Variants in KIF7 observed in about 807,000 individuals in gnomAD.
KIF7 encodes the protein kinesin-like protein KIF7.
In KIF7, 104 loss-of-function variants were observed where a neutral mutation model predicts 135.7. The observed-to-expected ratio is 0.77, with a 90% CI of 0.65 to 0.90. KIF7 has a LOEUF of 0.90. Ranked by LOEUF, KIF7 falls within the 40% of genes least tolerant of loss-of-function variation. The pLI, the probability that KIF7 is intolerant of heterozygous loss-of-function variation, is 0.00. For missense variants in KIF7, 2,005 were observed against 1,839.1 expected (o/e 1.09, Z -1.65); for synonymous variants, 883 against 809.4 (o/e 1.09, Z -1.54).
chr15:89,630,287 C>T lies in KIF7; in HGVS notation c.3318G>A (p.Lys1106=). The T allele has an allele frequency of 6.2e-7, 1 of 1,614,070 alleles. No individual in the cohort carries two copies. Among genetic ancestry groups the T allele is most frequent in the Non-Finnish European group, 8.5e-7 (1 of 1,180,022 alleles). ...GGGGGGCCATGGGCTGCTGGCCCAC[C>T]TTGTCAAAATACTTGCAGAGGAGGG... The part of the protein sequence containing the change: ...TRALLCKYFD[K]VVTLREEQHQ... Residue 1106 remains lysine, a splice_region_variant and synonymous_variant, in exon 16 of 19, where the codon AAG becomes AAA. Coordinates refer to ENST00000394412, the MANE Select transcript of KIF7 (RefSeq NM_198525.3).
chr15:89,662,871 C>T, the KIF7 span, among the ~76,000 whole-genome samples: 1 of 152,238 alleles, frequency 6.6e-6, no homozygotes, highest in Non-Finnish European at 1.5e-5. Context: ...GTTTAGTGTA[C>T]CTTGCTGCCT....
At position 89,629,480 on chromosome 15, in the gene KIF7, G is replaced by A. The variant is rs1963623681; in HGVS notation, c.3412C>T (p.Leu1138=). The stretch of plus-strand genomic sequence containing the variant: ...CGCTGCCGCTCCAGGGCCACCTCCA[G>A]CCAGTACACCAGCCTCTGCTGCTCC... ...LEEQQRLVYW[L]EVALERQRLE... The change falls in exon 17 of 19, where the codon CTG becomes TTG. Residue 1138 remains leucine (L), a synonymous_variant. Coordinates refer to ENST00000394412, the MANE Select transcript of KIF7 (RefSeq NM_198525.3). 1 of 1,611,344 alleles carries A rather than the reference G, an allele frequency of 6.2e-7. No individual in the cohort carries two copies. Among genetic ancestry groups the A allele is most frequent in the East Asian group, 2.2e-5 (1 of 44,884 alleles).
intron 14 of KIF7, 83 bp from the exon 15 acceptor site, chr15:89,631,793 G>C: frequency 2.4e-6 from 3 of 1,228,186 alleles, no homozygotes; most frequent in Non-Finnish European, 3.4e-6. Context: ...TGTTAAGGAG[G>C]ACTTGCGTCC....
chr15:89,663,028 C>A, the KIF7 span, among the ~76,000 whole-genome samples: 61 of 152,324 alleles, frequency 4.0e-4, 1 homozygote, highest in African/African-American at 1.2e-3. Context: ...GGCATGTTGG[C>A]GGCCACAGCC....
chr15:89,647,158 G>A, intron 6 of KIF7, 101 bp from the exon 7 acceptor site: 2 of 1,044,734 alleles, frequency 1.9e-6, no homozygotes, highest in Non-Finnish European at 2.9e-6. Flanking sequence ...CCGTCTCTGG[G>A]CTGAAAATGA....
rs915836327 is a variant in KIF7 at position 89,634,933 on chromosome 15, C to T, written c.2395-1050G>A. Among the ~76,000 whole-genome samples the T allele has an allele frequency of 1.3e-5, 2 of 152,228 alleles. 1 individual carries two copies. Among genetic ancestry groups the T allele is most frequent in the Admixed American group, 1.3e-4 (2 of 15,284 alleles). ...TGCAGACTTAAATGTCCCTGTCTGA[C>T]AGCTTTGAAGAGAGCAGGGGTTCTC... On this transcript the variant is annotated intron_variant, in intron 11 of 18. Transcript: ENST00000394412.
At chr15:89,633,503 C>T (rs1001561735) in intron 12 of KIF7, among the ~76,000 whole-genome samples, 183 bp downstream of exon 12, 28 of 152,224 alleles carry the variant, frequency 1.8e-4, no homozygotes, top group African/African-American at 6.3e-4. Flanking sequence ...GAAGTCTCAC[C>T]CTGGCCTTGA....
At chr15:89,624,587 G>C (rs866801259), downstream of KIF7, 1 of 1,613,828 alleles carries the variant, frequency 6.2e-7, no homozygotes. Flanking sequence ...GACCAGAAGG[G>C]ACTGAGCCTC....
At chr15:89,619,642 GACA>G (rs1210159093) in intron 1 of KIF7, 3 of 1,542,638 alleles carry the variant, frequency 1.9e-6, no homozygotes, top group Non-Finnish European at 1.7e-6. Flanking sequence ...CCCGGTTTTG[GACA>G]ACATGAGAAA....
At chr15:89,657,711 A>T (rs1964221968), upstream of KIF7, among the ~76,000 whole-genome samples, 1 of 152,248 alleles carries the variant, frequency 6.6e-6, no homozygotes, top group Non-Finnish European at 1.5e-5. Context: ...CCCAACTTAA[A>T]GGGGTTCTTA....
intron 14 of KIF7, 26 bp downstream of exon 14, chr15:89,632,794 C>T (rs200502068): frequency 2.5e-4 from 405 of 1,595,058 alleles, no homozygotes; most frequent in Non-Finnish European, 3.1e-4. Flanking sequence ...CCTCACCTGG[C>T]AGGATCTCTC....
chr15:89,648,127 C>T (rs1370221608), intron 5 of KIF7, 128 bp downstream of exon 5: 1 of 1,349,110 alleles, frequency 7.4e-7, no homozygotes, highest in Non-Finnish European at 9.5e-7. Flanking sequence ...GCAGAAGTGA[C>T]CGAATCCCGA....
At chr15:89,621,296 C>A in intron 1 of KIF7, 1 of 1,283,846 alleles carries the variant, frequency 7.8e-7, no homozygotes, top group South Asian at 1.5e-5. Context: ...GCTGGGATTA[C>A]AGGCGTGAGC....
chr15:89,649,944 G>T lies in KIF7; in HGVS notation c.329-3C>A. On this transcript the variant is annotated splice_polypyrimidine_tract_variant and splice_region_variant and intron_variant, in intron 2 of 18. Coordinates refer to ENST00000394412, the MANE Select transcript of KIF7 (RefSeq NM_198525.3). ...CTGCTCATCCTCAAGGAGGGAGGCTGGGGAGACACCGCAGGGCCTCCTGCC... is the reference window on the plus strand; with the variant it reads ...CTGCTCATCCTCAAGGAGGGAGGCTTGGGAGACACCGCAGGGCCTCCTGCC... 1 of 1,550,464 alleles carries T rather than the reference G, an allele frequency of 6.4e-7. No homozygotes were observed. The highest frequency in any genetic ancestry group is 1.2e-5 in the South Asian group (1 of 84,044).
At chr15:89,629,163 G>A (rs760638515) in intron 17 of KIF7, 41 bp from the exon 18 acceptor site, 2 of 1,600,034 alleles carry the variant, frequency 1.2e-6, no homozygotes, top group Non-Finnish European at 1.7e-6. Context: ...GAGGGCTGCA[G>A]GCGGGGCAGG....
At chr15:89,646,624 C>T (rs1964017717) in intron 7 of KIF7, among the ~76,000 whole-genome samples, 1 of 152,148 alleles carries the variant, frequency 6.6e-6, no homozygotes. Context: ...CAGGGATGCC[C>T]GATGGCACTG....
chr15:89,633,956 C>T (rs1056613091), intron 11 of KIF7, 73 bp from the exon 12 acceptor site: 4 of 1,542,362 alleles, frequency 2.6e-6, no homozygotes, highest in African/African-American at 1.4e-5. Context: ...GGGCACTCAA[C>T]AAGGGCAGGC....
chr15:89,645,137 C>T lies in KIF7; in HGVS notation c.2067G>A (p.Gln689=), dbSNP rs1426339621. Residue 689 remains glutamine, a synonymous_variant, in exon 10 of 19, where the codon CAG becomes CAA. Transcript: ENST00000394412. ...RAVGGSKARV[Q]ARQVPPATAS... is the part of the protein sequence containing the mutation. ...CTGTGGCAGGGGGGACCTGGCGGGC[C>T]TGAACTCGGGCCTTGCTCCCACCAA... 1.2e-6 allele frequency: 2 copies of T among 1,604,560 alleles called. No individual in the cohort carries two copies.
chr15:89,635,354 A>C (rs969759433), intron 11 of KIF7, among the ~76,000 whole-genome samples: 2 of 152,286 alleles, frequency 1.3e-5, no homozygotes, highest in African/African-American at 2.4e-5. Flanking sequence ...TGAGAGAAGA[A>C]GGCTTCAGAT....
Sources: allele counts gnomAD v4.1 joint callset (sites outside exome capture counted in the v4.1 genomes callset), GRCh38; gene constraint gnomAD v4.1.1; transcripts MANE v1.5; gene names NCBI Gene and HGNC (gene_info 2026-07-23, HGNC 2026-07-21).